TMEM65: variants seen among roughly 807,000 people sequenced by gnomAD.
TMEM65 encodes the protein transmembrane protein 65.
A neutral mutation model predicts 25.4 loss-of-function variants in TMEM65; 22 were observed. The observed-to-expected ratio is 0.86, with a 90% confidence interval of 0.62 to 1.23. The LOEUF (loss-of-function observed/expected upper bound fraction) is 1.23, where lower values mean the gene tolerates loss of function less well. TMEM65 is among the 50% of genes most tolerant of loss of function. TMEM65 has a pLI of 0.00. For synonymous variants in TMEM65, 132 were observed against 126.2 expected (o/e 1.05, Z -0.31); for missense variants, 262 against 308.2 (o/e 0.85, Z 1.12).
Position 124,330,813 on chromosome 8 carries a change from G to T in TMEM65, c.305-21C>A, listed in dbSNP as rs762713120. 4.4e-6 allele frequency: 7 copies of T among 1,576,032 alleles called. No individual in the cohort carries two copies. The African/African-American group carries it at 8.4e-5, about 19-fold the overall frequency. On this transcript the variant is annotated intron_variant, in intron 1 of 6. Coordinates refer to ENST00000297632, the MANE Select transcript of TMEM65 (RefSeq NM_194291.3). Reference sequence around the variant, plus strand: ...TTTTTCTAAAGGGGAGAAAAAGGATGTGGGGCAAGAATTAGTTACTACAGC... The same window carrying T: ...TTTTTCTAAAGGGGAGAAAAAGGATTTGGGGCAAGAATTAGTTACTACAGC...
intron 2 of TMEM65, among the ~76,000 whole-genome samples, 177 bp downstream of exon 2, chr8:124,330,571 A>G (rs979393171): frequency 1.3e-5 from 2 of 152,014 alleles, no homozygotes. Flanking sequence ...ATTTTACAAT[A>G]TTGTGTTACA....
At chr8:124,369,155 G>A (rs1216232908) in intron 1 of TMEM65, among the ~76,000 whole-genome samples, 2 of 152,184 alleles carry the variant, frequency 1.3e-5, no homozygotes, top group African/African-American at 4.8e-5. Context: ...GAGAGATCAG[G>A]CTGAGCAGGT....
intron 1 of TMEM65, among the ~76,000 whole-genome samples, chr8:124,359,634 C>T (rs897297128): frequency 5.3e-5 from 8 of 151,706 alleles, no homozygotes; most frequent in Admixed American, 6.6e-5. Flanking sequence ...CCCAGCTACT[C>T]AAAAGGCTGA....
At chr8:124,365,158 TA>T (rs1476602032) in intron 1 of TMEM65, among the ~76,000 whole-genome samples, 1 of 151,918 alleles carries the variant, frequency 6.6e-6, no homozygotes, top group Admixed American at 6.6e-5. Flanking sequence ...TTGTCACAAA[TA>T]AAAAATAGGC....
chr8:124,348,636 A>G (rs1814670536), intron 1 of TMEM65, among the ~76,000 whole-genome samples: 1 of 152,224 alleles, frequency 6.6e-6, no homozygotes, highest in Non-Finnish European at 1.5e-5. Flanking sequence ...AACATCATAA[A>G]TGGTAGATCT....
chr8:124,327,298 T>G, intron 3 of TMEM65, 56 bp downstream of exon 3: 1 of 1,187,550 alleles, frequency 8.4e-7, no homozygotes, highest in Middle Eastern at 2.0e-4. Context: ...ATTAGGAAAA[T>G]GTAGACCACA....
intron 1 of TMEM65, among the ~76,000 whole-genome samples, chr8:124,362,827 TAAG>T (rs1023293499): frequency 2.0e-5 from 3 of 152,004 alleles, no homozygotes; most frequent in African/African-American, 7.3e-5. Flanking sequence ...TGTGTAGTAT[TAAG>T]AAGAAAGAAA....
chr8:124,331,782 A>G (rs1045821374), intron 1 of TMEM65, among the ~76,000 whole-genome samples: 1 of 152,018 alleles, frequency 6.6e-6, no homozygotes, highest in Non-Finnish European at 1.5e-5. Flanking sequence ...TATCCAAAGA[A>G]ACGCATTACA....
chr8:124,330,822 G>A (rs1814422966), intron 1 of TMEM65, 30 bp from the exon 2 acceptor site: 3 of 1,564,036 alleles, frequency 1.9e-6, no homozygotes, highest in African/African-American at 1.4e-5. Flanking sequence ...TGTGGGGCAA[G>A]AATTAGTTAC....
chr8:124,350,944 CAG>C (rs1706427695), intron 1 of TMEM65: 1 of 982,224 alleles, frequency 1.0e-6, no homozygotes, highest in African/African-American at 1.8e-5. Context: ...AACGCAAAAA[CAG>C]AAAAATTAGG....
chr8:124,342,069 T>C (rs746312197), intron 1 of TMEM65, among the ~76,000 whole-genome samples: 16 of 152,230 alleles, frequency 1.1e-4, no homozygotes, highest in Middle Eastern at 3.4e-3. Context: ...TCTGGTATAA[T>C]ACAATCAGTC....
chr8:124,317,819 C>T (rs150693564), intron 6 of TMEM65, among the ~76,000 whole-genome samples: 1 of 152,242 alleles, frequency 6.6e-6, no homozygotes, highest in East Asian at 1.9e-4. Flanking sequence ...CTTGCTGGCT[C>T]TGAAGATGCA....
chr8:124,367,388 C>T (rs944560263), intron 1 of TMEM65, among the ~76,000 whole-genome samples: 2 of 152,096 alleles, frequency 1.3e-5, no homozygotes, highest in Non-Finnish European at 2.9e-5. Context: ...GCAGGAGAAT[C>T]GCTTGAACCT....
rs1330255267 is a variant in TMEM65, at chr8:124,310,665, C to CTAT, written c.*3292_*3294dup. On this transcript the variant is annotated 3_prime_UTR_variant, in exon 7 of 7. Coordinates refer to ENST00000297632, the MANE Select transcript of TMEM65 (RefSeq NM_194291.3). ...CAAATAAGTGTTTAATAAAAGGGAA[C>CTAT]TATTATTATTACTACTACTACTATC... The CTAT allele has an allele frequency of 2.6e-5, 4 of 152,130 alleles. No homozygotes were observed. Among genetic ancestry groups the CTAT allele is most frequent in the African/African-American group, 9.6e-5 (4 of 41,504 alleles). The allele number at this position is 152,130 out of a possible 1,614,324, so 9.4% of individuals were successfully genotyped here. A position where few individuals can be genotyped will look rare whatever the true frequency, so the allele number is the denominator to read the frequency against.
chr8:124,322,046 G>T, intron 5 of TMEM65, 59 bp downstream of exon 5: 1 of 1,167,536 alleles, frequency 8.6e-7, no homozygotes, highest in Non-Finnish European at 1.2e-6. Context: ...TTAAAGAAGA[G>T]TGGGGAACAG....
At chr8:124,363,775 T>A (rs1393716821) in intron 1 of TMEM65, among the ~76,000 whole-genome samples, 1 of 133,134 alleles carries the variant, frequency 7.5e-6, no homozygotes, top group African/African-American at 2.9e-5. Context: ...AGGCGGAGCT[T>A]GCAGTGAGCC....
chr8:124,334,486 C>T (rs1451062487), intron 1 of TMEM65, among the ~76,000 whole-genome samples: 1 of 151,942 alleles, frequency 6.6e-6, no homozygotes, highest in African/African-American at 2.4e-5. Flanking sequence ...TTAGCTGGGG[C>T]TGGGCACGGT....
At chr8:124,365,189 G>A (rs914819292) in intron 1 of TMEM65, among the ~76,000 whole-genome samples, 8 of 152,082 alleles carry the variant, frequency 5.3e-5, no homozygotes, top group Non-Finnish European at 1.0e-4. Flanking sequence ...CTATTAAGGT[G>A]AAAAACAGCA....
rs1814131811 is a variant in TMEM65 at position 124,309,628 on chromosome 8, T to C, written c.*4332A>G. The C allele has an allele frequency of 6.6e-6, 1 of 152,266 alleles. No homozygotes were observed. The highest frequency in any genetic ancestry group is 2.1e-4 in the South Asian group (1 of 4,832). The allele number at this position is 152,266 out of a possible 1,614,324, so 9.4% of individuals were successfully genotyped here. ...TCTCTTCACAGAATATCTGTACTGT[T>C]TGTACCTTCGCTTCCTTCAGGTCTT... On this transcript the variant is annotated 3_prime_UTR_variant, in exon 7 of 7. Transcript: ENST00000297632.
Sources: gnomAD v4.1 joint callset for allele counts (sites outside exome capture counted in the v4.1 genomes callset) on GRCh38, gnomAD v4.1.1 for gene constraint, MANE v1.5 for transcripts, NCBI Gene and HGNC (gene_info 2026-07-23, HGNC 2026-07-21) for gene names.